PAX3: variants seen among roughly 807,000 people sequenced by gnomAD.
PAX3 encodes the protein paired box protein Pax-3.
A neutral mutation model predicts 51.6 loss-of-function variants in PAX3; 14 were observed. That is an observed-to-expected ratio of 0.27 (90% CI 0.18 to 0.42). PAX3 has a LOEUF of 0.42. Among genes scored for constraint, PAX3 ranks in the 10% least tolerant of loss-of-function variants. The probability of loss-of-function intolerance (pLI) is 1.00; values close to 1 mark genes in which losing one functional copy is unlikely to be tolerated. For synonymous variants in PAX3, 280 were observed against 253.4 expected, an observed-to-expected ratio of 1.11 and a Z score of -1.00; for missense variants, 540 against 642.8, an observed-to-expected ratio of 0.84 and a Z score of 1.73.
intron 5 of PAX3, among the ~76,000 whole-genome samples, chr2:222,230,666 C>T (rs1692555858): frequency 6.6e-6 from 1 of 151,958 alleles, no homozygotes; most frequent in Non-Finnish European, 1.5e-5. Flanking sequence ...ACCAGCCTGA[C>T]CAACATGGTG....
intron 3 of PAX3, 59 bp downstream of exon 3, chr2:222,295,469 G>C (rs906017141): frequency 1.9e-6 from 3 of 1,595,122 alleles, no homozygotes; most frequent in Non-Finnish European, 2.6e-6. Context: ...CTGGGTCGAC[G>C]TGCCGGGGTA....
At position 222,202,374 on chromosome 2, in the gene PAX3, T is replaced by C. The variant is rs45541938; in HGVS notation, c.1174-184A>G. On this transcript the variant is annotated intron_variant, in intron 7 of 8. Coordinates refer to ENST00000392070, the MANE Select transcript of PAX3 (RefSeq NM_181458.4). ...TATTACATCATGCCCGACGATAACATCTGACTGCAGTTGCAGAAGAAGGAA... is the reference window on the plus strand; with the variant it reads ...TATTACATCATGCCCGACGATAACACCTGACTGCAGTTGCAGAAGAAGGAA... Among the ~76,000 whole-genome samples, 70 of 150,548 alleles carry C rather than the reference T, an allele frequency of 4.6e-4. 1 individual carries two copies. The highest frequency in any genetic ancestry group is 1.1e-3 in the Admixed American group (16 of 15,070).
chr2:222,297,293 C>T, intron 1 of PAX3, 80 bp from the exon 2 acceptor site: 1 of 1,157,254 alleles, frequency 8.6e-7, no homozygotes, highest in Non-Finnish European at 1.3e-6. Context: ...CACGTAATTT[C>T]GCAGTCTTCT....
chr2:222,246,700 TAA>T (rs1422556435), intron 4 of PAX3, among the ~76,000 whole-genome samples: 1 of 152,196 alleles, frequency 6.6e-6, no homozygotes, highest in Non-Finnish European at 1.5e-5. Flanking sequence ...TAACAAAATA[TAA>T]GTTTTTAAAA....
At chr2:222,288,942 C>T (rs950317080) in intron 4 of PAX3, among the ~76,000 whole-genome samples, 5 of 152,222 alleles carry the variant, frequency 3.3e-5, no homozygotes, top group Non-Finnish European at 5.9e-5. Context: ...AGGGGCCGCG[C>T]TCCCGGCCTT....
intron 7 of PAX3, among the ~76,000 whole-genome samples, chr2:222,213,539 C>G (rs1271360524): frequency 6.6e-6 from 1 of 152,172 alleles, no homozygotes; most frequent in Non-Finnish European, 1.5e-5. Context: ...AATCAGCACA[C>G]AAACTGCTTT....
chr2:222,285,834 C>G (rs1694813908), intron 4 of PAX3, among the ~76,000 whole-genome samples: 1 of 152,156 alleles, frequency 6.6e-6, no homozygotes, highest in Non-Finnish European at 1.5e-5. Context: ...TCCATATGAT[C>G]CTGTAAATTT....
In PAX3 at chr2:222,293,557, G is replaced by A. The variant is rs1695125223; in HGVS notation, c.586+610C>T. 3.4e-6 allele frequency: 5 copies of A among 1,458,798 alleles called. No homozygotes were observed. In the South Asian group the frequency reaches 3.6e-5, roughly 10 times the overall value. The allele number at this position is 1,458,798 out of a possible 1,614,324, so 90.4% of individuals were successfully genotyped here. A position where few individuals can be genotyped will look rare whatever the true frequency, so the allele number is the denominator to read the frequency against. ...CCCTTCAATTTGTAACCCAGAGCTTGGGTTCCTTTCAATTCCCAGGCACAC... is the reference window on the plus strand; with the variant it reads ...CCCTTCAATTTGTAACCCAGAGCTTAGGTTCCTTTCAATTCCCAGGCACAC... On this transcript the variant is annotated intron_variant, in intron 4 of 8. Transcript: ENST00000392070.
At chr2:222,241,472 A>G (rs1693013136) in intron 4 of PAX3, among the ~76,000 whole-genome samples, 1 of 152,226 alleles carries the variant, frequency 6.6e-6, no homozygotes, top group East Asian at 1.9e-4. Context: ...CTGAATACAT[A>G]AAACAGTGCG....
At chr2:222,253,633 C>CT (rs5838943) in intron 4 of PAX3, among the ~76,000 whole-genome samples, 29,208 of 146,286 alleles carry the variant, frequency 0.2, 3,240 homozygotes, top group East Asian at 0.36. Flanking sequence ...CAAAACTTTT[C>CT]TTTTTTTTTT....
chr2:222,223,072 T>A (rs1316757602), intron 5 of PAX3, among the ~76,000 whole-genome samples: 1 of 152,170 alleles, frequency 6.6e-6, no homozygotes, highest in African/African-American at 2.4e-5. Context: ...GCAACTTAAT[T>A]GTAATTCTTA....
intron 4 of PAX3, among the ~76,000 whole-genome samples, chr2:222,257,028 G>A (rs563204781): frequency 1.3e-4 from 20 of 152,282 alleles, no homozygotes; most frequent in African/African-American, 4.6e-4. Context: ...CACAGAATGG[G>A]CACACACAGA....
At chr2:222,237,265 T>A (rs988513601) in intron 4 of PAX3, among the ~76,000 whole-genome samples, 1 of 151,878 alleles carries the variant, frequency 6.6e-6, no homozygotes. Context: ...TCAGAGGACA[T>A]GCTTGCTGGC....
At chr2:222,284,948 A>G (rs183612540) in intron 4 of PAX3, among the ~76,000 whole-genome samples, 8 of 152,342 alleles carry the variant, frequency 5.3e-5, no homozygotes, top group Non-Finnish European at 4.4e-5. Context: ...GTGATGCAAG[A>G]ACAGACCACT....
chr2:222,210,567 A>T (rs1326504649), intron 7 of PAX3, among the ~76,000 whole-genome samples: 1 of 152,164 alleles, frequency 6.6e-6, no homozygotes, highest in Non-Finnish European at 1.5e-5. Context: ...TCCTAGCCCC[A>T]TGGAATAAAG....
intron 4 of PAX3, among the ~76,000 whole-genome samples, chr2:222,255,071 C>T (rs1693588209): frequency 6.6e-6 from 1 of 152,240 alleles, no homozygotes; most frequent in Non-Finnish European, 1.5e-5. Context: ...GCTTGAGCCA[C>T]CGCACCTGGC....
At chr2:222,239,957 T>C (rs555375725) in intron 4 of PAX3, among the ~76,000 whole-genome samples, 1 of 152,200 alleles carries the variant, frequency 6.6e-6, no homozygotes, top group East Asian at 1.9e-4. Context: ...AGTCCCCTAT[T>C]TTTTGGCTGG....
chr2:222,293,584 CAG>C (rs1695126631), intron 4 of PAX3: 1 of 1,582,406 alleles, frequency 6.3e-7, no homozygotes, highest in Non-Finnish European at 8.7e-7. Flanking sequence ...CAGGCACACA[CAG>C]GTTAAACCCC....
intron 4 of PAX3, among the ~76,000 whole-genome samples, chr2:222,251,282 G>A (rs1026807271): frequency 3.3e-5 from 5 of 151,878 alleles, no homozygotes; most frequent in African/African-American, 1.2e-4. Flanking sequence ...AGGCCCTGGT[G>A]TGTGATGTTC....
Sources: allele counts gnomAD v4.1 joint callset (sites outside exome capture counted in the v4.1 genomes callset), GRCh38; gene constraint gnomAD v4.1.1; transcripts MANE v1.5; gene names NCBI Gene and HGNC (gene_info 2026-07-23, HGNC 2026-07-21).